Variants in SLC6A15 observed in about 807,000 individuals in gnomAD.
SLC6A15 encodes sodium-dependent neutral amino acid transporter B(0)AT2.
Under a neutral mutation model 68.5 loss-of-function variants are expected in SLC6A15, and 33 were observed. The observed-to-expected ratio is 0.48, with a 90% CI of 0.37 to 0.64. The LOEUF (loss-of-function observed/expected upper bound fraction) is 0.64, where lower values mean the gene tolerates loss of function less well. SLC6A15 is among the 30% of genes least tolerant of loss of function. The pLI is 0.00. For synonymous variants in SLC6A15, 347 were observed against 301.0 expected (o/e 1.15, Z -1.58); for missense variants, 747 against 874.3 (o/e 0.85, Z 1.84).
At chr12:84,887,230 A>G (rs569675736) in intron 2 of SLC6A15, among the ~76,000 whole-genome samples, 1 of 152,330 alleles carries the variant, frequency 6.6e-6, no homozygotes, top group Admixed American at 6.5e-5. Context: ...TTCTATAAAG[A>G]GCCTTTTATT....
chr12:84,863,681 T>A, intron 10 of SLC6A15, 80 bp from the exon 11 acceptor site: 1 of 1,023,702 alleles, frequency 9.8e-7, no homozygotes, highest in Non-Finnish European at 1.3e-6. Context: ...ATTAATGGTC[T>A]GACAAACATT....
intron 1 of SLC6A15, among the ~76,000 whole-genome samples, chr12:84,911,219 A>G (rs1873444195): frequency 6.6e-6 from 1 of 152,174 alleles, no homozygotes; most frequent in South Asian, 2.1e-4. Context: ...ACAGGTAGAA[A>G]ATAGCTTTTA....
Position 84,862,045 on chromosome 12 carries a change from T to A in SLC6A15, c.1819-39A>T, listed in dbSNP as rs775777769. The A allele has an allele frequency of 1.3e-5, 19 of 1,517,836 alleles. No homozygotes were observed. In the Admixed American group the frequency reaches 4.2e-4, roughly 33 times the overall value. The allele number at this position is 1,517,836 out of a possible 1,614,324, so 94.0% of individuals were successfully genotyped here. On this transcript the variant is annotated intron_variant, in intron 11 of 11. Coordinates refer to ENST00000266682, the MANE Select transcript of SLC6A15 (RefSeq NM_182767.6). The stretch of plus-strand genomic sequence containing the variant: ...AAATAATAATTATTAGTAATCTATC[T>A]TTCTTTGCACATACATAAAATATTG...
chr12:84,908,966 T>C (rs1248338823), intron 1 of SLC6A15, among the ~76,000 whole-genome samples: 1 of 152,148 alleles, frequency 6.6e-6, no homozygotes, highest in Non-Finnish European at 1.5e-5. Flanking sequence ...TCATCACTGA[T>C]AATTTGCTAC....
At chr12:84,882,293 G>A (rs1246377773) in intron 5 of SLC6A15, 9 of 985,102 alleles carry the variant, frequency 9.1e-6, no homozygotes, top group South Asian at 4.7e-5. Flanking sequence ...ATAATGTGAC[G>A]GGAATGTGGC....
chr12:84,884,297 TTTTTA>T (rs1307950935), intron 4 of SLC6A15, among the ~76,000 whole-genome samples: 2 of 152,060 alleles, frequency 1.3e-5, no homozygotes, highest in Non-Finnish European at 2.9e-5. Context: ...TATTTATTTA[TTTTTA>T]TTTTATTTTA....
rs537449084 is a variant in SLC6A15, at chr12:84,906,021, T to G, written c.-189+6502A>C. On this transcript the variant is annotated intron_variant, in intron 1 of 11. Coordinates refer to ENST00000266682, the MANE Select transcript of SLC6A15 (RefSeq NM_182767.6). ...GTAATAATACAGTATTCAATTTTTT[T>G]GCAGATATTTTGATTGTCTATATTA... 4.6e-5 allele frequency among the ~76,000 whole-genome samples: 7 copies of G among 152,352 alleles called. No homozygotes were observed. In the East Asian group the frequency reaches 1.4e-3, roughly 29 times the overall value.
Position 84,860,548 on chromosome 12 carries a change from T to G in SLC6A15, c.*1084A>C, listed in dbSNP as rs1309100287. 6.6e-6 allele frequency: 1 copy of G among 152,082 alleles called. No homozygotes were observed. Among genetic ancestry groups the G allele is most frequent in the African/African-American group, 2.4e-5 (1 of 41,442 alleles). The allele number at this position is 152,082 out of a possible 1,614,324, so 9.4% of individuals were successfully genotyped here. A position where few individuals can be genotyped will look rare whatever the true frequency, so the allele number is the denominator to read the frequency against. ...TTCAATTAATGTAATTCATCCCACT[T>G]GGAATGTGATGTTTAGTTATTATGA... On this transcript the variant is annotated 3_prime_UTR_variant, in exon 12 of 12. Coordinates refer to ENST00000266682, the MANE Select transcript of SLC6A15 (RefSeq NM_182767.6).
chr12:84,862,678 A>G (rs1870903414), intron 11 of SLC6A15, among the ~76,000 whole-genome samples: 1 of 152,214 alleles, frequency 6.6e-6, no homozygotes, highest in Admixed American at 6.5e-5. Flanking sequence ...GCTAATATAA[A>G]AATTATAACA....
intron 2 of SLC6A15, 22 bp from the exon 3 acceptor site, chr12:84,886,090 A>G (rs1285399718): frequency 9.3e-6 from 14 of 1,507,678 alleles, no homozygotes; most frequent in Non-Finnish European, 1.3e-5. Context: ...ACAACAAAAA[A>G]TAGATTATAT....
intron 5 of SLC6A15, chr12:84,883,333 C>A (rs1020026398): frequency 2.2e-5 from 22 of 989,672 alleles, no homozygotes; most frequent in Non-Finnish European, 2.6e-5. Context: ...TTACATTACT[C>A]TGAATTCCTT....
intron 10 of SLC6A15, among the ~76,000 whole-genome samples, chr12:84,864,450 G>C (rs1013577448): frequency 1.3e-5 from 2 of 151,168 alleles, no homozygotes; most frequent in African/African-American, 4.9e-5. Context: ...CTCCCGAGTA[G>C]CTGGGATTAC....
chr12:84,882,313 GT>G, intron 5 of SLC6A15: 3 of 985,280 alleles, frequency 3.0e-6, no homozygotes, highest in Non-Finnish European at 3.6e-6. Context: ...CTCTGACATA[GT>G]GGAAGACATA....
rs114084110 is a variant in SLC6A15, at chr12:84,862,254, C to T, written c.1819-248G>A. Among the ~76,000 whole-genome samples the T allele has an allele frequency of 7.1e-4, 108 of 152,192 alleles. 1 individual carries two copies. Among genetic ancestry groups the T allele is most frequent in the African/African-American group, 2.5e-3 (104 of 41,518 alleles). On this transcript the variant is annotated intron_variant, in intron 11 of 11. Coordinates refer to ENST00000266682, the MANE Select transcript of SLC6A15 (RefSeq NM_182767.6). ...GCTTGGAAACGTTATAAGTGAAAGA[C>T]CACCTAAAGAGAGAGCCCAGCTCTC...
Position 84,904,696 on chromosome 12 carries a change from TAA to T in SLC6A15, c.-189+7825_-189+7826del, listed in dbSNP as rs1873056525. On this transcript the variant is annotated intron_variant, in intron 1 of 11. Transcript: ENST00000266682. Reference sequence around the variant, plus strand: ...TTAGTCAATCATATGTAAAGCTGCATAAAGTCAATTTCATGCTTAAGGCATCT... The same window carrying T: ...TTAGTCAATCATATGTAAAGCTGCATAGTCAATTTCATGCTTAAGGCATCT... 2.0e-5 allele frequency among the ~76,000 whole-genome samples: 3 copies of T among 152,290 alleles called. No homozygotes were observed. The South Asian group carries it at 6.2e-4, about 32-fold the overall frequency.
At chr12:84,905,305 A>G (rs879029559) in intron 1 of SLC6A15, among the ~76,000 whole-genome samples, 2 of 152,312 alleles carry the variant, frequency 1.3e-5, no homozygotes, top group Admixed American at 1.3e-4. Context: ...AGGCTAAAGG[A>G]AAAATCACAT....
chr12:84,889,683 G>C (rs1195362371), intron 2 of SLC6A15, among the ~76,000 whole-genome samples: 1 of 152,108 alleles, frequency 6.6e-6, no homozygotes, highest in Admixed American at 6.5e-5. Flanking sequence ...CACATTACCT[G>C]TAGCTATTAA....
intron 2 of SLC6A15, among the ~76,000 whole-genome samples, chr12:84,887,668 T>G (rs1255386458): frequency 6.6e-6 from 1 of 152,124 alleles, no homozygotes; most frequent in African/African-American, 2.4e-5. Flanking sequence ...GCATCAAATC[T>G]TAGATTATGA....
intron 1 of SLC6A15, among the ~76,000 whole-genome samples, chr12:84,910,128 TA>T (rs1261463454): frequency 3.3e-5 from 5 of 152,282 alleles, no homozygotes; most frequent in East Asian, 3.9e-4. Flanking sequence ...TAGAAACATA[TA>T]AAAATAACTT....
Sources: gnomAD v4.1 joint callset for allele counts (sites outside exome capture counted in the v4.1 genomes callset) on GRCh38, gnomAD v4.1.1 for gene constraint, MANE v1.5 for transcripts, NCBI Gene and HGNC (gene_info 2026-07-23, HGNC 2026-07-21) for gene names.